Variants in LUZP2 observed in about 807,000 individuals in gnomAD.
LUZP2 encodes leucine zipper protein 2.
A neutral mutation model predicts 51.6 loss-of-function variants in LUZP2; 52 were observed. The observed-to-expected ratio is 1.01, with a 90% CI of 0.81 to 1.27. LUZP2 has a LOEUF of 1.27. Ranked by LOEUF, LUZP2 falls within the 50% of genes most tolerant of loss-of-function variation. LUZP2 has a pLI of 0.00. For synonymous variants in LUZP2, 154 were observed against 137.3 expected (o/e 1.12, Z -0.85); for missense variants, 436 against 395.4 (o/e 1.10, Z -0.87).
At chr11:24,700,733 G>A (rs952812269) in intron 1 of LUZP2, among the ~76,000 whole-genome samples, 1 of 152,070 alleles carries the variant, frequency 6.6e-6, no homozygotes, top group Non-Finnish European at 1.5e-5. Flanking sequence ...ATGAAAGAAT[G>A]GGAGCTGGGG....
At chr11:24,615,866 T>C (rs2133895274) in intron 1 of LUZP2, among the ~76,000 whole-genome samples, 1 of 151,464 alleles carries the variant, frequency 6.6e-6, no homozygotes, top group South Asian at 2.1e-4. Context: ...CATTCTGATG[T>C]ATAGTGATAC....
intron 9 of LUZP2, among the ~76,000 whole-genome samples, chr11:25,004,938 G>A (rs374534616): frequency 6.6e-6 from 1 of 152,270 alleles, no homozygotes; most frequent in South Asian, 2.1e-4. Context: ...TTCATTAAAA[G>A]CCGGGGTTTG....
intron 6 of LUZP2, 119 bp from the exon 7 acceptor site, chr11:24,914,356 TG>T: frequency 1.4e-6 from 1 of 715,416 alleles, no homozygotes; most frequent in South Asian, 1.7e-5. Flanking sequence ...ACTTCTAAAC[TG>T]GTTGGACTGT....
chr11:24,904,952 T>G (rs780113025), intron 5 of LUZP2, among the ~76,000 whole-genome samples: 1 of 152,052 alleles, frequency 6.6e-6, no homozygotes, highest in Non-Finnish European at 1.5e-5. Flanking sequence ...CCAAAACAGA[T>G]TAGAAGTAGC....
intron 9 of LUZP2, among the ~76,000 whole-genome samples, chr11:25,014,255 G>A (rs1428334554): frequency 4.6e-5 from 7 of 152,148 alleles, no homozygotes; most frequent in Non-Finnish European, 8.8e-5. Flanking sequence ...AATCCTTTGG[G>A]TATATACCCA....
Position 25,081,748 on chromosome 11 carries a change from T to C in LUZP2, c.*3090T>C, listed in dbSNP as rs1859465869. ...AAAATATCAACCTAAATCTTTACTA[T>C]AGATAGTATAATTCTATTATGTACC... On this transcript the variant is annotated 3_prime_UTR_variant, in exon 12 of 12. Coordinates refer to ENST00000336930, the MANE Select transcript of LUZP2 (RefSeq NM_001009909.4). 1 of 152,154 alleles carries C rather than the reference T, an allele frequency of 6.6e-6. No homozygotes were observed. The highest frequency in any genetic ancestry group is 6.5e-5 in the Admixed American group (1 of 15,268). The allele number at this position is 152,154 out of a possible 1,614,324, so 9.4% of individuals were successfully genotyped here.
At chr11:24,502,687 C>T (rs759874236) in intron 1 of LUZP2, among the ~76,000 whole-genome samples, 21 of 152,086 alleles carry the variant, frequency 1.4e-4, no homozygotes, top group Admixed American at 4.6e-4. Flanking sequence ...TGCCCAGCCC[C>T]TCCAAAGTGT....
At chr11:24,732,044 C>T in intron 2 of LUZP2, 74 bp from the exon 3 acceptor site, 1 of 1,139,170 alleles carries the variant, frequency 8.8e-7, no homozygotes. Context: ...CTATCTAGTA[C>T]TCTAGAACCA....
At chr11:24,810,196 G>C (rs1211604265) in intron 5 of LUZP2, among the ~76,000 whole-genome samples, 1 of 151,974 alleles carries the variant, frequency 6.6e-6, no homozygotes, top group Non-Finnish European at 1.5e-5. Context: ...AAGAAGAAAT[G>C]AAATCAGTAC....
At chr11:24,652,978 A>T (rs1381791442) in intron 1 of LUZP2, among the ~76,000 whole-genome samples, 1 of 152,144 alleles carries the variant, frequency 6.6e-6, no homozygotes, top group Non-Finnish European at 1.5e-5. Context: ...TAATGTGGAA[A>T]ATTTAGAATT....
chr11:24,787,375 A>G (rs1251297311), intron 5 of LUZP2, among the ~76,000 whole-genome samples: 7 of 152,186 alleles, frequency 4.6e-5, no homozygotes, highest in Non-Finnish European at 5.9e-5. Context: ...AATCTACTAC[A>G]AAGATTTATT....
At chr11:25,068,152 CTG>C (rs753695168) in intron 10 of LUZP2, among the ~76,000 whole-genome samples, 2 of 151,810 alleles carry the variant, frequency 1.3e-5, no homozygotes, top group Non-Finnish European at 2.9e-5. Context: ...ACATCACACA[CTG>C]GGGGCCTGTT....
chr11:24,613,794 A>ATCAT (rs10664694), intron 1 of LUZP2, among the ~76,000 whole-genome samples: 53,125 of 151,662 alleles, frequency 0.35, 9,379 homozygotes, highest in Middle Eastern at 0.42. Flanking sequence ...TCACTGGACT[A>ATCAT]TCAGAAAATA....
At chr11:24,918,545 ATTG>A (rs1853879162) in intron 7 of LUZP2, among the ~76,000 whole-genome samples, 1 of 151,908 alleles carries the variant, frequency 6.6e-6, no homozygotes, top group African/African-American at 2.4e-5. Context: ...TAAATTAGGT[ATTG>A]ATGGGACGTA....
chr11:24,571,999 A>T (rs1421822481), intron 1 of LUZP2, among the ~76,000 whole-genome samples: 1 of 151,982 alleles, frequency 6.6e-6, no homozygotes, highest in Non-Finnish European at 1.5e-5. Context: ...AAGCAAGAAA[A>T]ATTATGTACA....
At chr11:25,025,389 C>T (rs1487422839) in intron 9 of LUZP2, among the ~76,000 whole-genome samples, 1 of 152,186 alleles carries the variant, frequency 6.6e-6, no homozygotes, top group Non-Finnish European at 1.5e-5. Flanking sequence ...TTCTTACAAT[C>T]TACCCATCTG....
rs966428298 is a variant in LUZP2, at chr11:24,601,966, A to G, written c.62+104661A>G. ...TATATGTATAAATGTATATATGTAT[A>G]TATGTGTATATGTATATATATGTGT... is the stretch of plus-strand genomic sequence containing the variant. On this transcript the variant is annotated intron_variant, in intron 1 of 11. Transcript: ENST00000336930. Among the ~76,000 whole-genome samples, 332 of 131,248 alleles carry G rather than the reference A, an allele frequency of 2.5e-3. 3 individuals carry two copies. The highest frequency in any genetic ancestry group is 0.013 in the Middle Eastern group (3 of 226). The allele number at this position is 131,248 out of a possible 152,430, so 86.1% of individuals were successfully genotyped here.
At chr11:24,582,879 G>T (rs928190177) in intron 1 of LUZP2, among the ~76,000 whole-genome samples, 16 of 152,024 alleles carry the variant, frequency 1.1e-4, no homozygotes, top group African/African-American at 3.9e-4. Flanking sequence ...TACAATGAGA[G>T]AATAAAAAGG....
intron 5 of LUZP2, among the ~76,000 whole-genome samples, chr11:24,838,077 T>C (rs1850910833): frequency 7.2e-6 from 1 of 139,790 alleles, no homozygotes; most frequent in Non-Finnish European, 1.6e-5. Context: ...TCTCATTTAA[T>C]ATGTGGTCCA....
Sources: gnomAD v4.1 joint callset for allele counts (sites outside exome capture counted in the v4.1 genomes callset) on GRCh38, gnomAD v4.1.1 for gene constraint, MANE v1.5 for transcripts, NCBI Gene and HGNC (gene_info 2026-07-23, HGNC 2026-07-21) for gene names.